GULP1: variants seen among roughly 807,000 people sequenced by gnomAD.
GULP1 encodes GULP PTB domain containing engulfment adaptor 1.
GULP1 carries 19 observed loss-of-function variants against 40.9 expected under a neutral mutation model. That is an observed-to-expected ratio of 0.46 (90% CI 0.32 to 0.68). The LOEUF is 0.68. Among genes scored for constraint, GULP1 ranks in the 30% least tolerant of loss-of-function variants. GULP1 has a pLI of 0.03. For synonymous variants in GULP1, 119 were observed against 117.6 expected (o/e 1.01, Z -0.08); for missense variants, 312 against 362.2 (o/e 0.86, Z 1.12).
chr2:188,325,125 G>A (rs572239417), intron 1 of GULP1, among the ~76,000 whole-genome samples: 11 of 152,068 alleles, frequency 7.2e-5, no homozygotes, highest in East Asian at 1.9e-4. Flanking sequence ...ACTGCATACC[G>A]AAACATTTAT....
At chr2:188,432,165 A>C (rs542888103) in intron 2 of GULP1, among the ~76,000 whole-genome samples, 38 of 151,872 alleles carry the variant, frequency 2.5e-4, no homozygotes, top group African/African-American at 7.7e-4. Flanking sequence ...TTAAGAAAAA[A>C]TATCTTCGTA....
chr2:188,470,139 A>G (rs1257528405), intron 2 of GULP1, among the ~76,000 whole-genome samples: 4 of 152,096 alleles, frequency 2.6e-5, no homozygotes, highest in African/African-American at 7.2e-5. Flanking sequence ...TATTGGTATT[A>G]ATTCTCTAAA....
At chr2:188,369,798 G>A (rs7592539) in intron 1 of GULP1, among the ~76,000 whole-genome samples, 10,220 of 151,938 alleles carry the variant, frequency 0.067, 1,158 homozygotes, top group African/African-American at 0.23. Flanking sequence ...TTCCCATCCC[G>A]CTCAGAGTCT....
At chr2:188,466,913 A>C (rs1262502092) in intron 2 of GULP1, among the ~76,000 whole-genome samples, 6 of 152,156 alleles carry the variant, frequency 3.9e-5, no homozygotes, top group African/African-American at 1.2e-4. Flanking sequence ...CTGCCTTTCA[A>C]ACTTTGCTTT....
intron 1 of GULP1, among the ~76,000 whole-genome samples, chr2:188,374,538 C>T (rs1385760631): frequency 1.3e-5 from 2 of 152,042 alleles, no homozygotes; most frequent in African/African-American, 2.4e-5. Flanking sequence ...TCAAAATAGC[C>T]ACCAGGTTTT....
At chr2:188,396,317 G>A (rs1195849257) in intron 2 of GULP1, among the ~76,000 whole-genome samples, 1 of 152,230 alleles carries the variant, frequency 6.6e-6, no homozygotes, top group African/African-American at 2.4e-5. Context: ...CCGAGCTGTG[G>A]TTCCCCACAT....
chr2:188,334,880 C>G (rs1458852211), intron 1 of GULP1, among the ~76,000 whole-genome samples: 2 of 152,082 alleles, frequency 1.3e-5, no homozygotes, highest in Non-Finnish European at 2.9e-5. Context: ...GAATCTGCTA[C>G]AAGTTGTGAT....
intron 4 of GULP1, among the ~76,000 whole-genome samples, chr2:188,517,253 A>G (rs2065267888): frequency 6.6e-6 from 1 of 152,206 alleles, no homozygotes; most frequent in Non-Finnish European, 1.5e-5. Context: ...CTCCTAAAAT[A>G]CAACCTGAAA....
At chr2:188,363,182 A>C (rs1243225980) in intron 1 of GULP1, among the ~76,000 whole-genome samples, 1 of 152,108 alleles carries the variant, frequency 6.6e-6, no homozygotes, top group Admixed American at 6.6e-5. Flanking sequence ...AAGAATTTAA[A>C]GTCATAACAT....
chr2:188,573,473 G>A (rs561824669), intron 9 of GULP1, among the ~76,000 whole-genome samples: 1 of 152,290 alleles, frequency 6.6e-6, no homozygotes, highest in African/African-American at 2.4e-5. Context: ...CTGCAATAAA[G>A]CAAATTTCTG....
intron 10 of GULP1, among the ~76,000 whole-genome samples, chr2:188,584,769 T>C (rs1300452738): frequency 6.6e-6 from 1 of 152,032 alleles, no homozygotes; most frequent in East Asian, 1.9e-4. Context: ...ATAGAGCTGG[T>C]TAAAATATTT....
rs1250664724 is a variant in GULP1 at position 188,529,169 on chromosome 2, G to A, written c.235G>A (p.Val79Ile). The change falls in exon 6 of 12, where the codon GTA (valine) becomes ATA (isoleucine). Residue 79 changes from valine to isoleucine, a missense_variant. Physicochemically the swap from Val to Ile is conservative, Grantham distance 29 (BLOSUM62 3). Coordinates refer to ENST00000409830, the MANE Select transcript of GULP1 (RefSeq NM_016315.4). ...KVELQISIYG[V>I]KILEPKTKEV... is the part of the protein sequence containing the mutation. ...GGAGTTGCAAATATCAATTTATGGA[G>A]TAAAAATTCTAGAACCCAAAACAAA... The A allele has an allele frequency of 1.3e-6, 2 of 1,570,774 alleles. No homozygotes were observed. Among genetic ancestry groups the A allele is most frequent in the Admixed American group, 1.7e-5 (1 of 57,434 alleles).
chr2:188,362,856 A>C (rs1390628592), intron 1 of GULP1, among the ~76,000 whole-genome samples: 2 of 151,870 alleles, frequency 1.3e-5, no homozygotes, highest in Non-Finnish European at 2.9e-5. Flanking sequence ...TTCCCACCAA[A>C]TGTGTAACAA....
chr2:188,384,556 C>A (rs192485496), intron 2 of GULP1, among the ~76,000 whole-genome samples: 1 of 152,176 alleles, frequency 6.6e-6, no homozygotes, highest in Non-Finnish European at 1.5e-5. Context: ...CATTTCAAAA[C>A]CAAACATGCC....
chr2:188,313,075 T>C (rs901362702), intron 1 of GULP1, among the ~76,000 whole-genome samples: 1 of 152,206 alleles, frequency 6.6e-6, no homozygotes, highest in African/African-American at 2.4e-5. Context: ...AGGTTGCCTG[T>C]TCACGCTGAT....
At chr2:188,483,827 C>T (rs1432855259) in intron 4 of GULP1, among the ~76,000 whole-genome samples, 2 of 152,116 alleles carry the variant, frequency 1.3e-5, no homozygotes, top group African/African-American at 4.8e-5. Flanking sequence ...TTACATTATA[C>T]AACCTAAATA....
chr2:188,320,873 G>C (rs2039872547), intron 1 of GULP1, among the ~76,000 whole-genome samples: 1 of 150,482 alleles, frequency 6.6e-6, no homozygotes, highest in Admixed American at 6.6e-5. Context: ...TTTCAGACAT[G>C]TTAATCTTTG....
intron 1 of GULP1, among the ~76,000 whole-genome samples, chr2:188,318,270 A>C (rs1239407130): frequency 6.8e-6 from 1 of 146,942 alleles, no homozygotes; most frequent in Non-Finnish European, 1.5e-5. Context: ...AAGTCTCATA[A>C]AAGTTGTAAA....
At chr2:188,576,198 A>T (rs573947575) in intron 9 of GULP1, among the ~76,000 whole-genome samples, 1 of 152,214 alleles carries the variant, frequency 6.6e-6, no homozygotes, top group South Asian at 2.1e-4. Context: ...GGCTGAATAT[A>T]CAAATCTGGA....
Sources: allele counts gnomAD v4.1 joint callset (sites outside exome capture counted in the v4.1 genomes callset), GRCh38; gene constraint gnomAD v4.1.1; transcripts MANE v1.5; gene names NCBI Gene and HGNC (gene_info 2026-07-23, HGNC 2026-07-21).